PARP8: variants seen among roughly 807,000 people sequenced by gnomAD.
The protein encoded by PARP8 is protein mono-ADP-ribosyltransferase PARP8.
PARP8 carries 51 observed loss-of-function variants against 124.1 expected under a neutral mutation model. That is an observed-to-expected ratio of 0.41 (90% CI 0.33 to 0.52). The LOEUF is 0.52. PARP8 is among the 20% of genes least tolerant of loss of function. The pLI, the probability that PARP8 is intolerant of heterozygous loss-of-function variation, is 0.21. For missense variants in PARP8, 860 were observed against 1,018.9 expected, an observed-to-expected ratio of 0.84 and a Z score of 2.12; for synonymous variants, 391 against 361.5, an observed-to-expected ratio of 1.08 and a Z score of -0.93.
intron 2 of PARP8, among the ~76,000 whole-genome samples, chr5:50,737,619 C>T (rs1377013116): frequency 1.3e-5 from 2 of 152,176 alleles, no homozygotes; most frequent in Non-Finnish European, 2.9e-5. Flanking sequence ...TTGAATGTCC[C>T]TCACCAGTTA....
At chr5:50,709,164 A>C (rs1754464084) in intron 2 of PARP8, among the ~76,000 whole-genome samples, 1 of 151,886 alleles carries the variant, frequency 6.6e-6, no homozygotes, top group Non-Finnish European at 1.5e-5. Context: ...CTACCATTGA[A>C]ATTCCTGTAG....
At chr5:50,752,452 T>A (rs1759364833) in intron 3 of PARP8, among the ~76,000 whole-genome samples, 1 of 152,078 alleles carries the variant, frequency 6.6e-6, no homozygotes, top group Non-Finnish European at 1.5e-5. Flanking sequence ...TTAAAATATG[T>A]CTTCTTACTG....
intron 22 of PARP8, among the ~76,000 whole-genome samples, chr5:50,830,781 T>A (rs886839358): frequency 2.6e-5 from 4 of 152,012 alleles, no homozygotes; most frequent in Non-Finnish European, 5.9e-5. Flanking sequence ...TATATACATA[T>A]AACTGCATAT....
chr5:50,829,386 T>C (rs1485213152), intron 21 of PARP8, among the ~76,000 whole-genome samples: 3 of 152,158 alleles, frequency 2.0e-5, no homozygotes, highest in Non-Finnish European at 2.9e-5. Context: ...TAATAGTGTG[T>C]GAGGGCCCAG....
chr5:50,709,951 T>TACAC (rs1359692149), intron 2 of PARP8, among the ~76,000 whole-genome samples: 1 of 99,420 alleles, frequency 1.0e-5, no homozygotes, highest in Non-Finnish European at 2.2e-5. Context: ...TATATATATA[T>TACAC]ATATACACAT....
At chr5:50,829,332 A>G (rs1746691773) in intron 21 of PARP8, among the ~76,000 whole-genome samples, 1 of 152,312 alleles carries the variant, frequency 6.6e-6, no homozygotes, top group Non-Finnish European at 1.5e-5. Flanking sequence ...GACATTTTAG[A>G]TGATTCAATT....
At chr5:50,716,879 T>C (rs994655134) in intron 2 of PARP8, among the ~76,000 whole-genome samples, 1 of 152,116 alleles carries the variant, frequency 6.6e-6, no homozygotes, top group Non-Finnish European at 1.5e-5. Context: ...ATAAACATAC[T>C]GTAAGTTTAG....
At chr5:50,719,816 T>C (rs13157079) in intron 2 of PARP8, among the ~76,000 whole-genome samples, 10,203 of 152,068 alleles carry the variant, frequency 0.067, 380 homozygotes, top group Middle Eastern at 0.11. Context: ...TTTCACAGCT[T>C]CTCCAGAGAA....
At chr5:50,739,615 T>C (rs1757818294) in intron 2 of PARP8, among the ~76,000 whole-genome samples, 1 of 151,302 alleles carries the variant, frequency 6.6e-6, no homozygotes. Context: ...TATACTAAAG[T>C]CTGTGCTCTT....
In PARP8 at chr5:50,822,318, A is replaced by T; in HGVS notation, c.1795-17A>T. ...TAAGCAAATGCTGTTTTTTAACATC[A>T]CTTTTTCATTAAACAGAAAAAGAAC... On this transcript the variant is annotated splice_polypyrimidine_tract_variant and intron_variant, in intron 16 of 25. Transcript: ENST00000281631. 1 of 1,580,510 alleles carries T rather than the reference A, an allele frequency of 6.3e-7. No individual in the cohort carries two copies. The highest frequency in any genetic ancestry group is 1.3e-5 in the African/African-American group (1 of 74,292).
chr5:50,689,484 T>TTTAA (rs924323108), intron 2 of PARP8, among the ~76,000 whole-genome samples: 13 of 152,220 alleles, frequency 8.5e-5, no homozygotes, highest in African/African-American at 3.1e-4. Context: ...ACACTCCCTC[T>TTTAA]TTAATCTCCA....
At chr5:50,747,754 G>GACC (rs1269732711) in intron 2 of PARP8, among the ~76,000 whole-genome samples, 2 of 135,578 alleles carry the variant, frequency 1.5e-5, no homozygotes, top group Non-Finnish European at 3.1e-5. Flanking sequence ...AGATAGGATA[G>GACC]ACCTTGCTTT....
chr5:50,802,486 TC>T (rs1477471611), intron 14 of PARP8, among the ~76,000 whole-genome samples: 1 of 152,094 alleles, frequency 6.6e-6, no homozygotes, highest in African/African-American at 2.4e-5. Context: ...GCCTGGCTAA[TC>T]TTTAAAAAAG....
intron 15 of PARP8, among the ~76,000 whole-genome samples, chr5:50,818,294 A>G (rs761119870): frequency 8.6e-5 from 13 of 150,352 alleles, no homozygotes; most frequent in Admixed American, 2.7e-4. Context: ...CATTGGTGCA[A>G]TCTCAGTCAT....
chr5:50,785,933 G>T (rs1224057351), intron 9 of PARP8, among the ~76,000 whole-genome samples: 2 of 152,054 alleles, frequency 1.3e-5, no homozygotes, highest in African/African-American at 4.8e-5. Context: ...ACTAGTCTCT[G>T]TTCGCTTTCA....
intron 7 of PARP8, among the ~76,000 whole-genome samples, chr5:50,767,689 T>G (rs1580267683): frequency 6.6e-6 from 1 of 152,384 alleles, no homozygotes; most frequent in South Asian, 2.1e-4. Flanking sequence ...AATTTATAGC[T>G]ACCTTGGATG....
intron 2 of PARP8, chr5:50,744,691 C>A: frequency 1.4e-6 from 1 of 691,298 alleles, no homozygotes. Context: ...AATTGTAAGT[C>A]AGCATATCCC....
rs558850759 is a variant in PARP8 at position 50,798,017 on chromosome 5, A to G, written c.1575+784A>G. Among the ~76,000 whole-genome samples, 9 of 152,184 alleles carry G rather than the reference A, an allele frequency of 5.9e-5. No homozygotes were observed. The South Asian group carries it at 6.2e-4, about 11-fold the overall frequency. ...AATTATGAAACTGTTTTCTGTTTCT[A>G]TGGATTTGGTCATTCTGGATATTTG... On this transcript the variant is annotated intron_variant, in intron 14 of 25. Transcript: ENST00000281631.
At chr5:50,715,369 A>G (rs995358002) in intron 2 of PARP8, among the ~76,000 whole-genome samples, 2 of 152,012 alleles carry the variant, frequency 1.3e-5, no homozygotes, top group African/African-American at 4.8e-5. Context: ...GAATTCACCT[A>G]TATTTTTATA....
Sources: allele counts gnomAD v4.1 joint callset (sites outside exome capture counted in the v4.1 genomes callset), GRCh38; gene constraint gnomAD v4.1.1; transcripts MANE v1.5; gene names NCBI Gene and HGNC (gene_info 2026-07-23, HGNC 2026-07-21).